Variants in COP1 observed in about 807,000 individuals in gnomAD.
The protein encoded by COP1 is COP1 E3 ubiquitin ligase, also known as E3 ubiquitin-protein ligase COP1.
COP1 carries 24 observed loss-of-function variants against 101.3 expected under a neutral mutation model. That is an observed-to-expected ratio of 0.24 (90% CI 0.17 to 0.33). The LOEUF is 0.33. COP1 is among the 10% of genes least tolerant of loss of function. The probability of loss-of-function intolerance (pLI) is 1.00; values close to 1 mark genes in which losing one functional copy is unlikely to be tolerated. For synonymous variants in COP1, 347 were observed against 341.9 expected (o/e 1.01, Z -0.17); for missense variants, 663 against 906.2 (o/e 0.73, Z 3.45).
chr1:176,019,879 C>A (rs528917566), intron 15 of COP1, among the ~76,000 whole-genome samples: 1 of 151,910 alleles, frequency 6.6e-6, no homozygotes, highest in African/African-American at 2.4e-5. Context: ...AAATCACTAA[C>A]GGCGTTACAG....
chr1:175,971,425 A>G (rs1349459053), intron 18 of COP1, among the ~76,000 whole-genome samples: 3 of 152,168 alleles, frequency 2.0e-5, no homozygotes, highest in South Asian at 2.1e-4. Context: ...TCAAAAACTG[A>G]TATTTTATAG....
chr1:176,146,794 C>T lies in COP1; in HGVS notation c.831+2212G>A, dbSNP rs891893524. 3.9e-5 allele frequency among the ~76,000 whole-genome samples: 6 copies of T among 152,292 alleles called. 1 individual carries two copies. In the East Asian group the frequency reaches 5.8e-4, roughly 15 times the overall value. ...TCAAATTTGAGAGTAATTTGTCACA[C>T]AGCAATAGATAACTAATGCAAATGC... On this transcript the variant is annotated intron_variant, in intron 6 of 19. Coordinates refer to ENST00000367669, the MANE Select transcript of COP1 (RefSeq NM_022457.7).
intron 8 of COP1, among the ~76,000 whole-genome samples, chr1:176,124,514 C>T (rs899208783): frequency 2.1e-5 from 3 of 145,014 alleles, no homozygotes; most frequent in African/African-American, 5.1e-5. Flanking sequence ...TAAGTGAAAA[C>T]ATGTGTTGTT....
At chr1:176,071,535 AAATT>A (rs1192746921) in intron 11 of COP1, among the ~76,000 whole-genome samples, 1 of 152,180 alleles carries the variant, frequency 6.6e-6, no homozygotes, top group African/African-American at 2.4e-5. Flanking sequence ...ATTTTGAAAA[AAATT>A]AAGCATAAAA....
intron 9 of COP1, chr1:176,100,253 G>A (rs773415901): frequency 5.3e-5 from 13 of 247,396 alleles, no homozygotes; most frequent in South Asian, 4.7e-4. Flanking sequence ...ACCAGGTGTG[G>A]AGGCAGGCGC....
At chr1:176,054,365 T>C (rs1558011503) in intron 11 of COP1, among the ~76,000 whole-genome samples, 1 of 151,998 alleles carries the variant, frequency 6.6e-6, no homozygotes. Flanking sequence ...TTTCACCATG[T>C]TGGCCAGACT....
chr1:176,198,633 G>GA (rs1699952525), intron 1 of COP1, among the ~76,000 whole-genome samples: 2 of 151,724 alleles, frequency 1.3e-5, no homozygotes, highest in African/African-American at 2.4e-5. Flanking sequence ...TTAGAAAAAA[G>GA]AAAAAACTTT....
intron 14 of COP1, among the ~76,000 whole-genome samples, chr1:176,031,769 G>A (rs1668683111): frequency 6.6e-6 from 1 of 152,106 alleles, no homozygotes; most frequent in Admixed American, 6.6e-5. Flanking sequence ...TGTGTAAAGT[G>A]TCTTCTAAGT....
At chr1:176,093,758 T>C (rs1681794975) in intron 9 of COP1, among the ~76,000 whole-genome samples, 1 of 152,082 alleles carries the variant, frequency 6.6e-6, no homozygotes, top group Non-Finnish European at 1.5e-5. Flanking sequence ...GAGAATGCTG[T>C]GAACCTGGGA....
chr1:176,114,522 T>C lies in COP1; in HGVS notation c.1026+2102A>G, dbSNP rs114808691. Among the ~76,000 whole-genome samples the C allele has an allele frequency of 8.8e-3, 1,337 of 151,880 alleles. 22 individuals are homozygous for C. Among genetic ancestry groups the C allele is most frequent in the African/African-American group, 0.03 (1,246 of 41,418 alleles). On this transcript the variant is annotated intron_variant, in intron 9 of 19. Transcript: ENST00000367669. Reference sequence around the variant, plus strand: ...AATAAAGTGAATATACAAATAAATGTTCATTAAAAACACCTCATTGTTTTT... The same window carrying C: ...AATAAAGTGAATATACAAATAAATGCTCATTAAAAACACCTCATTGTTTTT...
chr1:176,205,454 C>T (rs1700736028), intron 1 of COP1, among the ~76,000 whole-genome samples: 1 of 152,238 alleles, frequency 6.6e-6, no homozygotes, highest in Non-Finnish European at 1.5e-5. Context: ...CTAGCTCTAT[C>T]TTATTTAATA....
At position 175,957,104 on chromosome 1, in the gene COP1, A is replaced by T. The variant is rs200394860; in HGVS notation, c.2134-9865T>A. ...AAAAAATTAAAATTATAAAGTAAAA[A>T]GTTACAGTAAACTATAGTTAATTTA... On this transcript the variant is annotated intron_variant, in intron 18 of 19. Transcript: ENST00000367669. 5.3e-5 allele frequency among the ~76,000 whole-genome samples: 8 copies of T among 152,278 alleles called. No individual in the cohort carries two copies. The East Asian group carries it at 1.5e-3, about 29-fold the overall frequency.
At chr1:175,954,962 T>C (rs1215511613) in intron 18 of COP1, among the ~76,000 whole-genome samples, 2 of 152,056 alleles carry the variant, frequency 1.3e-5, no homozygotes, top group Non-Finnish European at 2.9e-5. Flanking sequence ...GTAAAGAGAA[T>C]AGAAAAGGCC....
intron 18 of COP1, among the ~76,000 whole-genome samples, chr1:175,959,985 G>T (rs1651136559): frequency 6.6e-6 from 1 of 152,228 alleles, no homozygotes; most frequent in South Asian, 2.1e-4. Flanking sequence ...CTTGCAACTT[G>T]AGACTCCATT....
At chr1:176,130,534 CTTAAAAGG>C (rs1303335318) in intron 8 of COP1, among the ~76,000 whole-genome samples, 1 of 151,668 alleles carries the variant, frequency 6.6e-6, no homozygotes, top group Non-Finnish European at 1.5e-5. Flanking sequence ...TGGATGAAAG[CTTAAAAGG>C]TTAAAAAATT....
chr1:176,147,199 T>C (rs528270959), intron 6 of COP1, among the ~76,000 whole-genome samples: 16 of 152,288 alleles, frequency 1.1e-4, no homozygotes, highest in African/African-American at 3.8e-4. Context: ...ATATTCATTT[T>C]GAAGATTAAA....
chr1:176,095,160 T>C (rs767066703), intron 9 of COP1, among the ~76,000 whole-genome samples: 29 of 152,212 alleles, frequency 1.9e-4, no homozygotes, highest in Non-Finnish European at 4.1e-4. Flanking sequence ...AAGTAAACTT[T>C]ATAAGTTCAA....
intron 14 of COP1, among the ~76,000 whole-genome samples, chr1:176,030,300 T>C (rs1036545015): frequency 1.7e-4 from 26 of 152,182 alleles, no homozygotes; most frequent in South Asian, 8.3e-4. Flanking sequence ...ATGCCGAACA[T>C]AGCACTTAAA....
At chr1:176,009,933 A>T (rs1283035186) in intron 15 of COP1, among the ~76,000 whole-genome samples, 1 of 147,474 alleles carries the variant, frequency 6.8e-6, no homozygotes, top group Non-Finnish European at 1.5e-5. Flanking sequence ...GTATGTCTTT[A>T]TATTTCTGAA....
Sources: gnomAD v4.1 joint callset for allele counts (sites outside exome capture counted in the v4.1 genomes callset) on GRCh38, gnomAD v4.1.1 for gene constraint, MANE v1.5 for transcripts, NCBI Gene and HGNC (gene_info 2026-07-23, HGNC 2026-07-21) for gene names.